The following TLE2 variants were observed in gnomAD, a reference collection of about 807,000 sequenced individuals.
TLE2 encodes the protein TLE family member 2, transcriptional corepressor, also known as transducin-like enhancer protein 2.
In TLE2, 74 loss-of-function variants were observed where a neutral mutation model predicts 97.2. The observed-to-expected ratio is 0.76, with a 90% confidence interval of 0.63 to 0.92. TLE2 has a LOEUF of 0.92. Among genes scored for constraint, TLE2 ranks in the 40% least tolerant of loss-of-function variants. The pLI is 0.00. For missense variants in TLE2, 1,038 were observed against 1,008.7 expected (o/e 1.03, Z -0.39); for synonymous variants, 499 against 432.1 (o/e 1.15, Z -1.92).
intron 1 of TLE2, among the ~76,000 whole-genome samples, chr19:3,043,058 G>C (rs1048290075): frequency 1.3e-5 from 2 of 152,088 alleles, no homozygotes; most frequent in African/African-American, 4.8e-5. Flanking sequence ...GGCCTCAAAT[G>C]ATCCTCCCTC....
chr19:3,010,876 C>A (rs2089580576), intron 12 of TLE2, 146 bp downstream of exon 12: 5 of 1,114,664 alleles, frequency 4.5e-6, no homozygotes, highest in Non-Finnish European at 6.2e-6. Context: ...CAGAGGGAGG[C>A]AGCGTCTAAC....
chr19:3,002,296 G>A, intron 18 of TLE2, 57 bp downstream of exon 18: 2 of 1,547,674 alleles, frequency 1.3e-6, no homozygotes, highest in South Asian at 2.4e-5. Flanking sequence ...GATTGAATAG[G>A]CACCCTGGGT....
intron 8 of TLE2, 115 bp from the exon 9 acceptor site, chr19:3,015,875 G>A: frequency 2.6e-6 from 2 of 779,474 alleles, no homozygotes; most frequent in East Asian, 2.7e-5. Context: ...CGGACCTCAA[G>A]CTTCCCATCT....
chr19:3,029,787 C>T (rs1319958774), upstream of TLE2, among the ~76,000 whole-genome samples: 1 of 151,938 alleles, frequency 6.6e-6, no homozygotes, highest in Non-Finnish European at 1.5e-5. Flanking sequence ...AGGGGTGGTG[C>T]GCTATCTTTA....
rs34783402 is a variant in TLE2, at chr19:3,026,455, TAAAAAAA to T, written c.231+1367_231+1373del. Among the ~76,000 whole-genome samples, 8 of 111,300 alleles carry T rather than the reference TAAAAAAA, an allele frequency of 7.2e-5. No homozygotes were observed. The South Asian group carries it at 9.0e-4, about 13-fold the overall frequency. 73.0% of individuals were successfully genotyped at this position (111,300 alleles called of 152,430 possible). On this transcript the variant is annotated intron_variant, in intron 4 of 19. Transcript: ENST00000262953. ...AAGAGTGAAACTTTGTCTCAAAATT[TAAAAAAA>T]AAAAAAAAAAAAAAAAATCTTTAGG... is the stretch of plus-strand genomic sequence containing the variant.
At chr19:3,042,020 G>C (rs1568256915) in intron 1 of TLE2, among the ~76,000 whole-genome samples, 2 of 151,886 alleles carry the variant, frequency 1.3e-5, no homozygotes, top group Non-Finnish European at 2.9e-5. Context: ...AGCCACGCGG[G>C]CCCGGCCCAG....
At chr19:3,042,693 T>C (rs1300048041) in intron 1 of TLE2, among the ~76,000 whole-genome samples, 2 of 151,340 alleles carry the variant, frequency 1.3e-5, no homozygotes, top group African/African-American at 4.9e-5. Flanking sequence ...ATTTGCTTCA[T>C]ATTAGGGGTT....
At chr19:3,041,013 ATTTTTTTTTTTTT>A (rs1168699418) in intron 1 of TLE2, among the ~76,000 whole-genome samples, 24 of 28,974 alleles carry the variant, frequency 8.3e-4, no homozygotes, top group Non-Finnish European at 1.1e-3. Context: ...ATATATATAT[ATTTTTTTTTTTTT>A]TTTTTTTTTT....
chr19:3,030,326 C>T (rs1299415951), upstream of TLE2, among the ~76,000 whole-genome samples: 2 of 152,206 alleles, frequency 1.3e-5, no homozygotes, highest in African/African-American at 4.8e-5. Flanking sequence ...GCTCCAGCCC[C>T]GACCAGAGAC....
chr19:3,016,538 C>T (rs1410237524), intron 8 of TLE2, among the ~76,000 whole-genome samples: 2 of 146,534 alleles, frequency 1.4e-5, no homozygotes, highest in Non-Finnish European at 3.0e-5. Context: ...TACAGTGAGC[C>T]GAGATTGCAC....
intron 2 of TLE2, 66 bp downstream of exon 2, chr19:3,028,640 C>G: frequency 1.3e-6 from 2 of 1,577,214 alleles, no homozygotes; most frequent in Non-Finnish European, 1.7e-6. Context: ...GCCCTATACC[C>G]CGGAGGCCTC....
chr19:3,041,520 C>T (rs990589718), intron 1 of TLE2, among the ~76,000 whole-genome samples: 3 of 152,136 alleles, frequency 2.0e-5, no homozygotes, highest in African/African-American at 7.2e-5. Context: ...AAACCCTCCT[C>T]GGCTCAAATG....
At position 3,025,009 on chromosome 19, in the gene TLE2, G is replaced by A. The variant is rs1314460773; in HGVS notation, c.294+11C>T. 4 of 1,285,880 alleles carry A rather than the reference G, an allele frequency of 3.1e-6. No individual in the cohort carries two copies. In the South Asian group the frequency reaches 3.7e-5, roughly 12 times the overall value. The allele number at this position is 1,285,880 out of a possible 1,614,324, so 79.7% of individuals were successfully genotyped here. On this transcript the variant is annotated intron_variant, in intron 5 of 19. Transcript: ENST00000262953. Reference sequence around the variant, plus strand: ...CCTTCCCCTCCTCCCCCCACCCCCAGGCCCACTCACCTCCTGGGTCAGGAA... The same window carrying A: ...CCTTCCCCTCCTCCCCCCACCCCCAAGCCCACTCACCTCCTGGGTCAGGAA...
intron 17 of TLE2, among the ~76,000 whole-genome samples, chr19:3,004,132 A>G (rs934926466): frequency 1.1e-4 from 16 of 152,312 alleles, no homozygotes; most frequent in African/African-American, 2.9e-4. Flanking sequence ...ATAACCACAC[A>G]TTTGCAGAAG....
upstream of TLE2, chr19:3,029,560 G>GGGA (rs1340123920): frequency 6.8e-3 from 4,958 of 727,422 alleles, 381 homozygotes; most frequent in African/African-American, 0.073. Context: ...CGTGGGAGCG[G>GGGA]GGGGGGGGGC....
chr19:3,029,189 C>A lies in TLE2; in HGVS notation c.-285G>T, dbSNP rs1248492889. The A allele has an allele frequency of 1.5e-6, 1 of 661,454 alleles. No individual in the cohort carries two copies. Among genetic ancestry groups the A allele is most frequent in the African/African-American group, 2.0e-5 (1 of 50,152 alleles). The allele number at this position is 661,454 out of a possible 1,614,324, so 41.0% of individuals were successfully genotyped here. On this transcript the variant is annotated 5_prime_UTR_variant, in exon 1 of 20. Coordinates refer to ENST00000262953, the MANE Select transcript of TLE2 (RefSeq NM_003260.5). ...GCGAGGGCGGCCGCGGCAGCCGGCGCAGAAGGTCGGGCGCGCCGCGGCCGG... is the reference window on the plus strand; with the variant it reads ...GCGAGGGCGGCCGCGGCAGCCGGCGAAGAAGGTCGGGCGCGCCGCGGCCGG...
intron 19 of TLE2, among the ~76,000 whole-genome samples, chr19:2,999,941 G>A (rs1599189096): frequency 6.6e-6 from 1 of 150,758 alleles, no homozygotes; most frequent in African/African-American, 2.4e-5. Context: ...GCTGTGGCAG[G>A]AGAATCGATT....
chr19:3,035,860 G>C (rs770422646), intron 1 of TLE2, among the ~76,000 whole-genome samples: 2 of 151,874 alleles, frequency 1.3e-5, no homozygotes, highest in African/African-American at 4.8e-5. Context: ...CCTAGTGGAC[G>C]CCCGAGCTCG....
intron 17 of TLE2, among the ~76,000 whole-genome samples, chr19:3,004,626 A>C (rs1440853655): frequency 6.6e-6 from 1 of 151,566 alleles, no homozygotes; most frequent in African/African-American, 2.4e-5. Context: ...AAAAAAAAAA[A>C]AAAAAAAGAG....
Sources: gnomAD v4.1 joint callset for allele counts (sites outside exome capture counted in the v4.1 genomes callset) on GRCh38, gnomAD v4.1.1 for gene constraint, MANE v1.5 for transcripts, NCBI Gene and HGNC (gene_info 2026-07-23, HGNC 2026-07-21) for gene names.